COLGALT1: variants seen among roughly 807,000 people sequenced by gnomAD.
COLGALT1 encodes the protein procollagen galactosyltransferase 1.
In COLGALT1, 43 loss-of-function variants were observed where a neutral mutation model predicts 60.8. The ratio of observed to expected loss-of-function variants is 0.71; its 90% CI spans 0.55 to 0.91. The LOEUF (loss-of-function observed/expected upper bound fraction) is 0.91. Ranked by LOEUF, COLGALT1 falls within the 40% of genes least tolerant of loss-of-function variation. The pLI, the probability that COLGALT1 is intolerant of heterozygous loss-of-function variation, is 0.00. For missense variants in COLGALT1, 845 were observed against 880.0 expected, an observed-to-expected ratio of 0.96 and a Z score of 0.50; for synonymous variants, 369 against 374.2, an observed-to-expected ratio of 0.99 and a Z score of 0.16.
intron 3 of COLGALT1, among the ~76,000 whole-genome samples, chr19:17,561,806 T>C (rs2076251399): frequency 6.6e-6 from 1 of 152,158 alleles, no homozygotes. Flanking sequence ...TTGAACCCAT[T>C]ACACAGTTTT....
chr19:17,578,031 G>A lies in COLGALT1; in HGVS notation c.1208G>A (p.Arg403Gln), dbSNP rs2076355358. 1 of 1,611,550 alleles carries A rather than the reference G, an allele frequency of 6.2e-7. No homozygotes were observed. Among genetic ancestry groups the A allele is most frequent in the Non-Finnish European group, 8.5e-7 (1 of 1,179,088 alleles). Residue 403 changes from arginine to glutamine, a missense_variant, in exon 9 of 12, where the codon CGG becomes CAG. Transcript: ENST00000252599. ...LPGYRDPYHG[R>Q]PLTKGELGCF... Reference sequence around the variant, plus strand: ...GGCTACCGGGACCCCTACCACGGCCGGCCCCTCACCAAGGGTGAGCTGGGC... The same window carrying A: ...GGCTACCGGGACCCCTACCACGGCCAGCCCCTCACCAAGGGTGAGCTGGGC...
chr19:17,567,264 G>T, intron 3 of COLGALT1, 142 bp from the exon 4 acceptor site: 2 of 1,084,818 alleles, frequency 1.8e-6, no homozygotes, highest in Non-Finnish European at 1.3e-6. Context: ...CCAAAACGGG[G>T]TCCCTGCTTC....
rs1404915634 is a variant in COLGALT1 at position 17,582,726 on chromosome 19, C to T, written c.*1282C>T. 6.6e-6 allele frequency: 1 copy of T among 152,352 alleles called. No homozygotes were observed. The highest frequency in any genetic ancestry group is 1.5e-5 in the Non-Finnish European group (1 of 68,138). The allele number at this position is 152,352 out of a possible 1,614,324, so 9.4% of individuals were successfully genotyped here. On this transcript the variant is annotated 3_prime_UTR_variant, in exon 12 of 12. Transcript: ENST00000252599. Reference sequence around the variant, plus strand: ...CTCGGTCGTCTGAGCTGTGTGCAGACAACATCCCCCCACCACCCAAGAGGG... The same window carrying T: ...CTCGGTCGTCTGAGCTGTGTGCAGATAACATCCCCCCACCACCCAAGAGGG...
chr19:17,556,386 C>T (rs2076211718), intron 1 of COLGALT1: 1 of 215,696 alleles, frequency 4.6e-6, no homozygotes, highest in Non-Finnish European at 7.9e-6. Flanking sequence ...CCCACTGGGG[C>T]GTTGCCAGAG....
At chr19:17,562,183 A>G (rs1246266024) in intron 3 of COLGALT1, among the ~76,000 whole-genome samples, 15 of 146,866 alleles carry the variant, frequency 1.0e-4, no homozygotes, top group Admixed American at 1.0e-3. Flanking sequence ...ATCTCTTAAA[A>G]CAAACAAACA....
At chr19:17,571,206 T>C (rs1599787774) in intron 5 of COLGALT1, among the ~76,000 whole-genome samples, 1 of 151,728 alleles carries the variant, frequency 6.6e-6, no homozygotes, top group South Asian at 2.1e-4. Context: ...TCACATGAGG[T>C]CAAGAGTTTG....
At chr19:17,563,694 C>T (rs940247059) in intron 3 of COLGALT1, among the ~76,000 whole-genome samples, 1 of 151,970 alleles carries the variant, frequency 6.6e-6, no homozygotes, top group African/African-American at 2.4e-5. Context: ...TTTCACTATG[C>T]TGACCAGGCT....
rs753015513 is a variant in COLGALT1, at chr19:17,577,404, G to A, written c.1070G>A (p.Arg357His). 1.0e-5 allele frequency: 16 copies of A among 1,571,040 alleles called. No individual in the cohort carries two copies. The highest frequency in any genetic ancestry group is 1.3e-5 in the Non-Finnish European group (15 of 1,163,834). The change falls in exon 8 of 12, where the codon CGC becomes CAC. Residue 357 changes from arginine to histidine, a missense_variant. Transcript: ENST00000252599. ...NLRRRQDRRE[R>H]MLRALQAQEI... ...AGGCGGCGGCAGGACCGGCGGGAGC[G>A]CATGCTGCGGGCGCTGCAGGCACAG...
intron 1 of COLGALT1, among the ~76,000 whole-genome samples, chr19:17,558,810 C>T (rs2144814242): frequency 6.6e-6 from 1 of 152,212 alleles, no homozygotes; most frequent in Middle Eastern, 3.4e-3. Flanking sequence ...TTCCACTTCC[C>T]AGTAAACTGG....
At chr19:17,563,197 T>TC (rs1162456859) in intron 3 of COLGALT1, among the ~76,000 whole-genome samples, 4 of 147,542 alleles carry the variant, frequency 2.7e-5, no homozygotes, top group African/African-American at 1.0e-4. Flanking sequence ...CTTTTTTTTT[T>TC]TTTTTTTTTT....
At chr19:17,575,062 A>AT (rs1193663026) in intron 6 of COLGALT1, among the ~76,000 whole-genome samples, 3 of 151,298 alleles carry the variant, frequency 2.0e-5, no homozygotes, top group Non-Finnish European at 4.4e-5. Flanking sequence ...TTTGGTTTTT[A>AT]TTTTTTTGAG....
intron 6 of COLGALT1, 192 bp from the exon 7 acceptor site, chr19:17,577,003 T>TGAGAG: frequency 1.7e-6 from 1 of 587,594 alleles, no homozygotes; most frequent in South Asian, 2.0e-5. Context: ...TGGCCAGGGC[T>TGAGAG]TTGGGCTGCT....
chr19:17,577,385 C>T lies in COLGALT1; in HGVS notation c.1051C>T (p.Arg351Trp), dbSNP rs902377325. 1.8e-5 allele frequency: 28 copies of T among 1,591,300 alleles called. No individual in the cohort carries two copies. Among genetic ancestry groups the T allele is most frequent in the African/African-American group, 2.7e-5 (2 of 74,290 alleles). Residue 351 changes from arginine to tryptophan, a missense_variant, in exon 8 of 12, where the codon CGG becomes TGG. By Grantham distance (101) the Arg-to-Trp change is moderately radical. Coordinates refer to ENST00000252599, the MANE Select transcript of COLGALT1 (RefSeq NM_024656.4). ...DEVFMINLRR[R>W]QDRRERMLRA... The stretch of plus-strand genomic sequence containing the variant: ...GGTCTTCATGATCAACCTGAGGCGG[C>T]GGCAGGACCGGCGGGAGCGCATGCT...
At chr19:17,562,661 C>CAA (rs59873634) in intron 3 of COLGALT1, among the ~76,000 whole-genome samples, 21 of 140,296 alleles carry the variant, frequency 1.5e-4, no homozygotes, top group African/African-American at 2.4e-4. Context: ...GACTATGTCT[C>CAA]AAAAAAAAAA....
At chr19:17,560,141 C>T (rs1290906479) in intron 2 of COLGALT1, among the ~76,000 whole-genome samples, 2 of 152,110 alleles carry the variant, frequency 1.3e-5, no homozygotes, top group African/African-American at 2.4e-5. Flanking sequence ...GCTTTCTTCC[C>T]TCCAGGCCTT....
At chr19:17,555,998 C>T (rs2076208564) in intron 1 of COLGALT1, 25 bp downstream of exon 1, 3 of 1,297,446 alleles carry the variant, frequency 2.3e-6, no homozygotes, top group South Asian at 2.1e-5. Flanking sequence ...CTGTCCCCAT[C>T]AGGCGGGTCA....
chr19:17,581,520 C>T lies in COLGALT1; in HGVS notation c.*76C>T. ...TGCTTACTGAGGACATCAGGTCCAC[C>T]TCTGGACCCCTTGGCAGGCCACAGA... On this transcript the variant is annotated 3_prime_UTR_variant, in exon 12 of 12. Coordinates refer to ENST00000252599, the MANE Select transcript of COLGALT1 (RefSeq NM_024656.4). 1 of 1,509,384 alleles carries T rather than the reference C, an allele frequency of 6.6e-7. No homozygotes were observed. Among genetic ancestry groups the T allele is most frequent in the South Asian group, 1.3e-5 (1 of 77,734 alleles). The allele number at this position is 1,509,384 out of a possible 1,614,324, so 93.5% of individuals were successfully genotyped here.
In COLGALT1 at chr19:17,581,213, G is replaced by T; in HGVS notation, c.1638G>T (p.Leu546=). The T allele has an allele frequency of 6.2e-7, 1 of 1,608,076 alleles. No homozygotes were observed. Among genetic ancestry groups the T allele is most frequent in the South Asian group, 1.1e-5 (1 of 90,950 alleles). Reference sequence around the variant, plus strand: ...AGGCCCACTTCTCCCTCCGCAACCTGCATGCCTTCTCTGTGGAGCCGCTGC... The same window carrying T: ...AGGCCCACTTCTCCCTCCGCAACCTTCATGCCTTCTCTGTGGAGCCGCTGC... The part of the protein sequence containing the change: ...EYKAHFSLRN[L]HAFSVEPLLI... The change falls in exon 12 of 12, where the codon CTG becomes CTT. Residue 546 remains leucine, a synonymous_variant. Transcript: ENST00000252599.
chr19:17,579,401 CCTT>C, intron 9 of COLGALT1, 78 bp from the exon 10 acceptor site: 1 of 1,589,376 alleles, frequency 6.3e-7, no homozygotes, highest in Non-Finnish European at 8.6e-7. Flanking sequence ...GTCTTTCAAA[CCTT>C]CTCAAAGCAA....
Sources: allele counts gnomAD v4.1 joint callset (sites outside exome capture counted in the v4.1 genomes callset), GRCh38; gene constraint gnomAD v4.1.1; transcripts MANE v1.5; gene names NCBI Gene and HGNC (gene_info 2026-07-23, HGNC 2026-07-21).